CLMP: variants seen among roughly 807,000 people sequenced by gnomAD.
CLMP encodes the protein CXADR-like membrane protein.
A neutral mutation model predicts 45.2 loss-of-function variants in CLMP; 27 were observed. That is an observed-to-expected ratio of 0.60 (90% CI 0.44 to 0.82). The LOEUF is 0.82. Ranked by LOEUF, CLMP falls within the 40% of genes least tolerant of loss-of-function variation. CLMP has a pLI of 0.00. For missense variants in CLMP, 403 were observed against 448.4 expected (o/e 0.90, Z 0.91); for synonymous variants, 167 against 171.4 (o/e 0.97, Z 0.20).
chr11:123,162,161 A>G (rs952566362), intron 1 of CLMP, among the ~76,000 whole-genome samples: 1 of 152,222 alleles, frequency 6.6e-6, no homozygotes, highest in African/African-American at 2.4e-5. Context: ...CACAGAGCTC[A>G]TTTTAGAGTT....
intron 1 of CLMP, among the ~76,000 whole-genome samples, chr11:123,112,521 G>A (rs1039458711): frequency 6.6e-6 from 1 of 151,062 alleles, no homozygotes; most frequent in Non-Finnish European, 1.5e-5. Context: ...GTTTTCAGTA[G>A]AGATGGGGTT....
intron 1 of CLMP, among the ~76,000 whole-genome samples, chr11:123,152,566 A>ATAATAAAT (rs1555084855): frequency 6.9e-5 from 10 of 143,918 alleles, no homozygotes; most frequent in African/African-American, 2.8e-4. Flanking sequence ...AAATAAATAA[A>ATAATAAAT]AAATAAATAA....
At chr11:123,187,327 T>C (rs1280808227) in intron 1 of CLMP, among the ~76,000 whole-genome samples, 1 of 152,226 alleles carries the variant, frequency 6.6e-6, no homozygotes, top group Non-Finnish European at 1.5e-5. Flanking sequence ...TGATTGGAAA[T>C]AATTGGAACT....
At chr11:123,109,383 GA>G (rs1860607418) in intron 1 of CLMP, among the ~76,000 whole-genome samples, 2 of 147,538 alleles carry the variant, frequency 1.4e-5, no homozygotes, top group Admixed American at 1.4e-4. Context: ...GAGCCCGTGA[GA>G]GCCAATGTTA....
chr11:123,178,444 C>T (rs1262228322), intron 1 of CLMP, among the ~76,000 whole-genome samples: 2 of 152,174 alleles, frequency 1.3e-5, no homozygotes, highest in African/African-American at 2.4e-5. Flanking sequence ...GCAAAGACAC[C>T]CAAGCTGAAT....
In CLMP at chr11:123,135,553, T is replaced by A. The variant is rs192702488; in HGVS notation, c.29-37601A>T. Reference sequence around the variant, plus strand: ...GTATTTCCACTGTAGTATTTCTATTTTTTTTCACAATGAAGAACATTTTAT... The same window carrying A: ...GTATTTCCACTGTAGTATTTCTATTATTTTTCACAATGAAGAACATTTTAT... On this transcript the variant is annotated intron_variant, in intron 1 of 6. Transcript: ENST00000448775. 3.3e-5 allele frequency among the ~76,000 whole-genome samples: 5 copies of A among 152,302 alleles called. No individual in the cohort carries two copies. In the East Asian group the frequency reaches 9.7e-4, roughly 29 times the overall value.
At chr11:123,150,493 A>G (rs1169912848) in intron 1 of CLMP, among the ~76,000 whole-genome samples, 1 of 124,108 alleles carries the variant, frequency 8.1e-6, no homozygotes, top group African/African-American at 3.2e-5. Flanking sequence ...GGAAGGAAGG[A>G]AGGAAGGAAG....
chr11:123,146,038 T>C (rs539385476), intron 1 of CLMP, among the ~76,000 whole-genome samples: 22 of 152,336 alleles, frequency 1.4e-4, no homozygotes, highest in Admixed American at 1.3e-4. Context: ...CAGGGCCAGC[T>C]GTGTGCACCA....
intron 1 of CLMP, among the ~76,000 whole-genome samples, chr11:123,143,657 C>T (rs1861197207): frequency 6.6e-6 from 1 of 152,196 alleles, no homozygotes; most frequent in African/African-American, 2.4e-5. Flanking sequence ...AGTACGTCCT[C>T]ACATCCTCAC....
Position 123,128,366 on chromosome 11 carries a change from GT to G in CLMP, c.29-30415del, listed in dbSNP as rs528191329. Among the ~76,000 whole-genome samples the G allele has an allele frequency of 1.5e-4, 17 of 114,536 alleles. No individual in the cohort carries two copies. The South Asian group carries it at 4.4e-3, about 30-fold the overall frequency. The allele number at this position is 114,536 out of a possible 152,430, so 75.1% of individuals were successfully genotyped here. A position where few individuals can be genotyped will look rare whatever the true frequency, so the allele number is the denominator to read the frequency against. On this transcript the variant is annotated intron_variant, in intron 1 of 6. Transcript: ENST00000448775. ...AATCCTGGCATGGTGGCCCAGGCCT[GT>G]AATGCCAGCATGGTAGCTCAGGCCT...
At chr11:123,166,502 G>C (rs1861558534) in intron 1 of CLMP, among the ~76,000 whole-genome samples, 1 of 152,232 alleles carries the variant, frequency 6.6e-6, no homozygotes, top group African/African-American at 2.4e-5. Context: ...CTTGGGCCTT[G>C]TTTAAACAAG....
At chr11:123,077,351 G>A (rs1394914094) in intron 5 of CLMP, among the ~76,000 whole-genome samples, 4 of 151,632 alleles carry the variant, frequency 2.6e-5, no homozygotes, top group Non-Finnish European at 4.4e-5. Flanking sequence ...TTATTTTTAA[G>A]ACAGAGTTTT....
chr11:123,070,187 A>G lies in CLMP; in HGVS notation c.*3287T>C, dbSNP rs1207502623. On this transcript the variant is annotated 3_prime_UTR_variant, in exon 7 of 7. Transcript: ENST00000448775. ...ATCATTCCATCTGCATCGTCTTCCT[A>G]CAAACAGTTTTTCTTCTACTATTCG... 1 of 151,562 alleles carries G rather than the reference A, an allele frequency of 6.6e-6. No homozygotes were observed. Among genetic ancestry groups the G allele is most frequent in the Non-Finnish European group, 1.5e-5 (1 of 67,540 alleles). The allele number at this position is 151,562 out of a possible 1,614,324, so 9.4% of individuals were successfully genotyped here.
At chr11:123,176,536 G>C (rs1049209313) in intron 1 of CLMP, among the ~76,000 whole-genome samples, 1 of 152,304 alleles carries the variant, frequency 6.6e-6, no homozygotes, top group South Asian at 2.1e-4. Flanking sequence ...GAGCCAGTGG[G>C]ACCCTAGTTG....
Position 123,089,788 on chromosome 11 carries a change from A to AG in CLMP, c.187-5076_187-5075insC, listed in dbSNP as rs1555078669. 1.2e-4 allele frequency among the ~76,000 whole-genome samples: 16 copies of AG among 139,048 alleles called. No individual in the cohort carries two copies. The South Asian group carries it at 2.7e-3, about 23-fold the overall frequency. The allele number at this position is 139,048 out of a possible 152,430, so 91.2% of individuals were successfully genotyped here. Reference sequence around the variant, plus strand: ...CGAGTCTCCATCTCAAAAAAAAAAAAAAAAAGAAAAAGAAAAAGAAACAAA... The same window carrying AG: ...CGAGTCTCCATCTCAAAAAAAAAAAAGAAAAAGAAAAAGAAAAAGAAACAAA... On this transcript the variant is annotated intron_variant, in intron 2 of 6. Transcript: ENST00000448775.
At chr11:123,095,549 T>A (rs1591455376) in intron 2 of CLMP, among the ~76,000 whole-genome samples, 1 of 152,068 alleles carries the variant, frequency 6.6e-6, no homozygotes, top group African/African-American at 2.4e-5. Flanking sequence ...GGATTACAGG[T>A]GTGAGCCACC....
intron 1 of CLMP, among the ~76,000 whole-genome samples, chr11:123,103,169 G>A (rs1303963788): frequency 6.6e-6 from 1 of 152,042 alleles, no homozygotes; most frequent in African/African-American, 2.4e-5. Context: ...AGAATAGCTG[G>A]GAAATTCACT....
intron 1 of CLMP, among the ~76,000 whole-genome samples, chr11:123,139,901 C>T (rs1449387543): frequency 6.6e-6 from 1 of 151,930 alleles, no homozygotes; most frequent in Non-Finnish European, 1.5e-5. Context: ...TAGAGAAGTA[C>T]ATAATAGATG....
At position 123,071,058 on chromosome 11, in the gene CLMP, T is replaced by C. The variant is rs1865665872; in HGVS notation, c.*2416A>G. ...CAGATTAGTCTTTCCTCTTTAAGCA[T>C]CTGCTTCCCATTTTAGAAACATGCT... is the stretch of plus-strand genomic sequence containing the variant. On this transcript the variant is annotated 3_prime_UTR_variant, in exon 7 of 7. Transcript: ENST00000448775. 1 of 152,226 alleles carries C rather than the reference T, an allele frequency of 6.6e-6. No individual in the cohort carries two copies. Among genetic ancestry groups the C allele is most frequent in the African/African-American group, 2.4e-5 (1 of 41,450 alleles). 9.4% of individuals were successfully genotyped at this position (152,226 alleles called of 1,614,324 possible).
Sources: gnomAD v4.1 joint callset for allele counts (sites outside exome capture counted in the v4.1 genomes callset) on GRCh38, gnomAD v4.1.1 for gene constraint, MANE v1.5 for transcripts, NCBI Gene and HGNC (gene_info 2026-07-23, HGNC 2026-07-21) for gene names.